FGF10: variants seen among roughly 807,000 people sequenced by gnomAD.
FGF10 encodes the protein fibroblast growth factor 10.
In FGF10, 2 loss-of-function variants were observed where a neutral mutation model predicts 19.8. The observed-to-expected ratio is 0.10, with a 90% confidence interval of 0.04 to 0.32. The LOEUF is 0.32. FGF10 is among the 10% of genes least tolerant of loss of function. The probability of loss-of-function intolerance (pLI) is 1.00; values close to 1 mark genes in which losing one functional copy is unlikely to be tolerated. For missense variants in FGF10, 191 were observed against 246.3 expected (o/e 0.78, Z 1.50); for synonymous variants, 112 against 94.0 (o/e 1.19, Z -1.10).
At chr5:44,332,493 T>C (rs188496036) in intron 1 of FGF10, among the ~76,000 whole-genome samples, 3 of 152,288 alleles carry the variant, frequency 2.0e-5, no homozygotes, top group South Asian at 2.1e-4. Context: ...ATTTGGCAAC[T>C]GAGAGTGGTT....
intron 2 of FGF10, among the ~76,000 whole-genome samples, chr5:44,308,029 C>A (rs1251724241): frequency 6.6e-6 from 1 of 152,170 alleles, no homozygotes; most frequent in African/African-American, 2.4e-5. Flanking sequence ...ACAAGACTGA[C>A]CTCACTCTCT....
chr5:44,345,973 A>T (rs1741081334), intron 1 of FGF10, among the ~76,000 whole-genome samples: 1 of 151,792 alleles, frequency 6.6e-6, no homozygotes, highest in South Asian at 2.1e-4. Context: ...TATGTTGATG[A>T]TGCCCAAACA....
intron 1 of FGF10, among the ~76,000 whole-genome samples, chr5:44,329,291 C>T (rs1350896228): frequency 2.0e-5 from 3 of 152,150 alleles, no homozygotes; most frequent in Admixed American, 1.3e-4. Flanking sequence ...ATTCTTCTGC[C>T]TCAGCCTCCT....
chr5:44,381,698 G>A (rs1443291127), intron 1 of FGF10, among the ~76,000 whole-genome samples: 1 of 152,178 alleles, frequency 6.6e-6, no homozygotes, highest in Non-Finnish European at 1.5e-5. Flanking sequence ...TAACATGTCT[G>A]CTTATCAGTA....
At chr5:44,386,898 C>T (rs1486304681) in intron 1 of FGF10, among the ~76,000 whole-genome samples, 1 of 152,130 alleles carries the variant, frequency 6.6e-6, no homozygotes, top group Non-Finnish European at 1.5e-5. Flanking sequence ...AAATAAAATG[C>T]TAAATTCTGG....
intron 1 of FGF10, among the ~76,000 whole-genome samples, chr5:44,369,443 C>G (rs905884128): frequency 1.3e-5 from 2 of 152,040 alleles, no homozygotes. Context: ...TGGGGTTAGA[C>G]GCACATACGC....
At chr5:44,310,647 A>C (rs1241936658) in intron 1 of FGF10, 117 bp from the exon 2 acceptor site, 11 of 723,766 alleles carry the variant, frequency 1.5e-5, no homozygotes, top group African/African-American at 3.6e-5. Flanking sequence ...CAAAAGGCAC[A>C]AAACATTGGT....
intron 2 of FGF10, among the ~76,000 whole-genome samples, chr5:44,310,048 C>T (rs1436837820): frequency 6.6e-6 from 1 of 152,040 alleles, no homozygotes; most frequent in Non-Finnish European, 1.5e-5. Flanking sequence ...CATCTTCAGC[C>T]GTAACGCATA....
chr5:44,335,378 A>G (rs1006512926), intron 1 of FGF10, among the ~76,000 whole-genome samples: 2 of 152,016 alleles, frequency 1.3e-5, no homozygotes, highest in South Asian at 2.1e-4. Flanking sequence ...TTTCCATTCT[A>G]TTTATAGCTA....
At chr5:44,337,944 A>G (rs1297847884) in intron 1 of FGF10, among the ~76,000 whole-genome samples, 1 of 152,222 alleles carries the variant, frequency 6.6e-6, no homozygotes, top group Non-Finnish European at 1.5e-5. Context: ...TGTCTCAGAA[A>G]AAAAAATGCA....
intron 1 of FGF10, among the ~76,000 whole-genome samples, chr5:44,348,360 C>A (rs1356932702): frequency 6.6e-6 from 1 of 151,608 alleles, no homozygotes; most frequent in Non-Finnish European, 1.5e-5. Context: ...TACTTCCTTG[C>A]CATAGTAACA....
intron 1 of FGF10, among the ~76,000 whole-genome samples, chr5:44,336,641 C>A (rs1051130918): frequency 2.0e-5 from 3 of 152,056 alleles, no homozygotes; most frequent in African/African-American, 7.2e-5. Flanking sequence ...AATCCTGGGT[C>A]CACAAATTAT....
At position 44,305,074 on chromosome 5, in the gene FGF10, T is replaced by C. The variant is rs571717817; in HGVS notation, c.548A>G (p.Lys183Arg). 1.9e-6 allele frequency: 3 copies of C among 1,614,014 alleles called. No individual in the cohort carries two copies. Among genetic ancestry groups the C allele is most frequent in the Non-Finnish European group, 2.5e-6 (3 of 1,179,922 alleles). The change falls in exon 3 of 3, where the codon AAA (lysine) becomes AGA (arginine). Residue 183 changes from lysine to arginine, a missense_variant. Around this residue, in one of 2 missense-constraint regions of FGF10, gnomAD observed 99 missense variants for 161.7 expected, o/e 0.61. Transcript: ENST00000264664. Reference sequence around the variant, plus strand: ...TTTCTGTCCTCTCCTTGGAGCTCCTTTTCCATTCAATGCCACATACATTTG... The same window carrying C: ...TTTCTGTCCTCTCCTTGGAGCTCCTCTTCCATTCAATGCCACATACATTTG... ...GRQMYVALNG[K>R]GAPRRGQKTR...
intron 1 of FGF10, among the ~76,000 whole-genome samples, chr5:44,386,473 C>T (rs1226315831): frequency 1.3e-5 from 2 of 152,036 alleles, no homozygotes; most frequent in African/African-American, 2.4e-5. Context: ...TCTGTCCAGC[C>T]CAATGTTTGG....
chr5:44,337,064 C>G (rs954744842), intron 1 of FGF10, among the ~76,000 whole-genome samples: 1 of 152,120 alleles, frequency 6.6e-6, no homozygotes, highest in Non-Finnish European at 1.5e-5. Context: ...TCTGCCACTA[C>G]TATTATAACA....
chr5:44,322,253 A>T (rs903482350), intron 1 of FGF10, among the ~76,000 whole-genome samples: 1 of 152,200 alleles, frequency 6.6e-6, no homozygotes, highest in Non-Finnish European at 1.5e-5. Context: ...CAACAAACTC[A>T]ATCTGTCACT....
chr5:44,371,236 C>T (rs368136383), intron 1 of FGF10, among the ~76,000 whole-genome samples: 1 of 152,082 alleles, frequency 6.6e-6, no homozygotes, highest in African/African-American at 2.4e-5. Flanking sequence ...AACTACCACA[C>T]TCAGCCCCTT....
Position 44,389,153 on chromosome 5 carries a change from G to T in FGF10, c.-471C>A. On this transcript the variant is annotated 5_prime_UTR_variant, in exon 1 of 3. Transcript: ENST00000264664. ...CACCCCTCTGCGGTTGGCACCTTCTGGTCTCTCTCTGCGGAGCCCCAGCCT... is the reference window on the plus strand; with the variant it reads ...CACCCCTCTGCGGTTGGCACCTTCTTGTCTCTCTCTGCGGAGCCCCAGCCT... The T allele has an allele frequency of 4.3e-6, 1 of 233,714 alleles. No homozygotes were observed. The highest frequency in any genetic ancestry group is 6.6e-5 in the South Asian group (1 of 15,170). 14.5% of individuals were successfully genotyped at this position (233,714 alleles called of 1,614,324 possible).
chr5:44,361,277 T>C (rs1741476567), intron 1 of FGF10, among the ~76,000 whole-genome samples: 1 of 151,590 alleles, frequency 6.6e-6, no homozygotes, highest in East Asian at 1.9e-4. Context: ...GCTTTCTGAG[T>C]TCAAACATTT....
Sources: gnomAD v4.1 joint callset for allele counts (sites outside exome capture counted in the v4.1 genomes callset) on GRCh38, gnomAD v4.1.1 for gene constraint, gnomAD v4.1.1 regional missense constraint, MANE v1.5 for transcripts, NCBI Gene and HGNC (gene_info 2026-07-23, HGNC 2026-07-21) for gene names.